MAGI3: variants seen among roughly 807,000 people sequenced by gnomAD.
MAGI3 encodes the protein membrane associated guanylate kinase, WW and PDZ domain containing 3.
In MAGI3, 43 loss-of-function variants were observed where a neutral mutation model predicts 121.8. The observed-to-expected ratio is 0.35, with a 90% CI of 0.28 to 0.46. The LOEUF (loss-of-function observed/expected upper bound fraction) is 0.46, where lower values mean the gene tolerates loss of function less well. Ranked by LOEUF, MAGI3 falls within the 20% of genes least tolerant of loss-of-function variation. MAGI3 has a pLI of 1.00. For missense variants in MAGI3, 1,547 were observed against 1,797.3 expected (o/e 0.86, Z 2.52); for synonymous variants, 553 against 639.3 (o/e 0.86, Z 2.04).
At position 113,391,125 on chromosome 1, in the gene MAGI3, C is replaced by G. The variant is rs771560753; in HGVS notation, c.92C>G (p.Ala31Gly). The G allele has an allele frequency of 6.4e-7, 1 of 1,571,896 alleles. No homozygotes were observed. Among genetic ancestry groups the G allele is most frequent in the Non-Finnish European group, 8.6e-7 (1 of 1,159,092 alleles). Reference protein sequence around the residue: ...SWAGPPGDFGAEIRGGAERGE... With the variant: ...SWAGPPGDFGGEIRGGAERGE... ...GCCGGGCCCCCGGGCGACTTCGGCG[C>G]GGAGATCCGCGGTGGCGCGGAGCGT... is the stretch of plus-strand genomic sequence containing the variant. Residue 31 changes from alanine (A) to glycine (G), a missense_variant, in exon 1 of 21, where the codon GCG becomes GGG. Transcript: ENST00000307546. This position sits in a 1 kb window ranked among gnomAD's most constrained non-coding sequence, Gnocchi z 4.4.
intron 11 of MAGI3, 64 bp downstream of exon 11, chr1:113,643,838 C>G: frequency 6.8e-7 from 1 of 1,462,304 alleles, no homozygotes; most frequent in South Asian, 1.2e-5. Flanking sequence ...ACATTCCCCT[C>G]TGTAAGAGGA....
intron 1 of MAGI3, among the ~76,000 whole-genome samples, chr1:113,479,327 C>T (rs1280337585): frequency 2.6e-5 from 4 of 152,258 alleles, no homozygotes; most frequent in Admixed American, 6.5e-5. Flanking sequence ...CCGTCTTCTG[C>T]GTTGATCACG....
chr1:113,434,191 C>T (rs1653444005), intron 1 of MAGI3, among the ~76,000 whole-genome samples: 1 of 152,170 alleles, frequency 6.6e-6, no homozygotes, highest in African/African-American at 2.4e-5. Flanking sequence ...GAACCACTTG[C>T]TGAATCTAGT....
At chr1:113,613,075 C>T (rs1274593835) in intron 6 of MAGI3, among the ~76,000 whole-genome samples, 3 of 152,058 alleles carry the variant, frequency 2.0e-5, no homozygotes, top group African/African-American at 7.2e-5. Context: ...TGCAGTTTTA[C>T]AGATATATTC....
chr1:113,508,349 C>T (rs537408919), intron 1 of MAGI3, among the ~76,000 whole-genome samples: 115 of 152,136 alleles, frequency 7.6e-4, no homozygotes, highest in African/African-American at 2.4e-3. Flanking sequence ...TTCAAGTTTC[C>T]GTACAGAGAT....
intron 1 of MAGI3, among the ~76,000 whole-genome samples, chr1:113,534,803 T>G (rs1376912871): frequency 6.6e-6 from 1 of 151,400 alleles, no homozygotes; most frequent in African/African-American, 2.4e-5. Flanking sequence ...TATCATGTGA[T>G]TTTTTTTTCT....
intron 9 of MAGI3, among the ~76,000 whole-genome samples, chr1:113,640,256 A>G (rs1652371117): frequency 6.6e-6 from 1 of 151,284 alleles, no homozygotes; most frequent in African/African-American, 2.4e-5. Flanking sequence ...CTGTGGAGAA[A>G]CAGGAACGCT....
intron 19 of MAGI3, among the ~76,000 whole-genome samples, chr1:113,678,454 G>A (rs1489884451): frequency 6.6e-6 from 1 of 152,068 alleles, no homozygotes; most frequent in African/African-American, 2.4e-5. Flanking sequence ...TTTTATTAAG[G>A]TGTTTTCATC....
chr1:113,608,338 T>C (rs1292587320), intron 6 of MAGI3, among the ~76,000 whole-genome samples: 1 of 152,218 alleles, frequency 6.6e-6, no homozygotes, highest in Non-Finnish European at 1.5e-5. Flanking sequence ...TTTCAATCTC[T>C]ATAAGGCTCT....
At chr1:113,462,701 A>G (rs1220071678) in intron 1 of MAGI3, among the ~76,000 whole-genome samples, 1 of 152,152 alleles carries the variant, frequency 6.6e-6, no homozygotes, top group Non-Finnish European at 1.5e-5. Flanking sequence ...CCCCAAACCT[A>G]AAATAAAAGG....
Position 113,642,201 on chromosome 1 carries a change from G to A in MAGI3, c.1651G>A (p.Asp551Asn). Residue 551 changes from aspartate to asparagine, a missense_variant, in exon 10 of 21, where the codon GAT becomes AAT. Transcript: ENST00000307546. Reference protein sequence around the residue: ...NGKSGHTLTGDGLNGPSDASE... With the variant: ...NGKSGHTLTGNGLNGPSDASE... The stretch of plus-strand genomic sequence containing the variant: ...AAAATCGGGACACACTTTGACTGGT[G>A]ATGGTCTCAATGGACCATCAGATGC... 1 of 1,614,182 alleles carries A rather than the reference G, an allele frequency of 6.2e-7. No homozygotes were observed. The highest frequency in any genetic ancestry group is 8.5e-7 in the Non-Finnish European group (1 of 1,180,042).
chr1:113,621,339 C>G (rs1192321193), intron 8 of MAGI3, among the ~76,000 whole-genome samples: 3 of 151,980 alleles, frequency 2.0e-5, no homozygotes, highest in African/African-American at 4.8e-5. Flanking sequence ...GCTGGAATGT[C>G]AAGGAAGTTG....
chr1:113,468,894 C>A (rs1195213856), intron 1 of MAGI3, among the ~76,000 whole-genome samples: 3 of 151,874 alleles, frequency 2.0e-5, no homozygotes, highest in Non-Finnish European at 2.9e-5. Context: ...GGGAAGGACC[C>A]TTTTCATTTT....
intron 1 of MAGI3, among the ~76,000 whole-genome samples, chr1:113,444,115 C>T (rs939838847): frequency 2.0e-5 from 3 of 152,240 alleles, no homozygotes; most frequent in South Asian, 2.1e-4. Context: ...TACAGCTCTT[C>T]GCATGGTAGC....
intron 6 of MAGI3, among the ~76,000 whole-genome samples, chr1:113,603,222 C>T (rs938735999): frequency 4.6e-5 from 7 of 152,040 alleles, no homozygotes; most frequent in Non-Finnish European, 1.5e-5. Context: ...AAACTGTGCA[C>T]ACAAAGTAGA....
rs145252615 is a variant in MAGI3 at position 113,653,184 on chromosome 1, T to C, written c.2441-646T>C. 4.3e-4 allele frequency among the ~76,000 whole-genome samples: 66 copies of C among 152,356 alleles called. No homozygotes were observed. The East Asian group carries it at 0.013, about 29-fold the overall frequency. ...GAATATCAGTCACTGAGCTAAATTA[T>C]ATTTATAATTGATTTTAAAAGGAAG... On this transcript the variant is annotated intron_variant, in intron 14 of 20. Coordinates refer to ENST00000307546, the MANE Select transcript of MAGI3 (RefSeq NM_001142782.2).
chr1:113,448,370 A>C (rs560516118), intron 1 of MAGI3, among the ~76,000 whole-genome samples: 1 of 152,350 alleles, frequency 6.6e-6, no homozygotes, highest in African/African-American at 2.4e-5. Flanking sequence ...CACTGAGGCT[A>C]CTGTTTGGGA....
intron 11 of MAGI3, 105 bp downstream of exon 11, chr1:113,643,879 G>A: frequency 1.7e-6 from 2 of 1,187,154 alleles, no homozygotes; most frequent in Non-Finnish European, 2.5e-6. Flanking sequence ...TCGACTGGGA[G>A]AAGTTAGGAG....
chr1:113,426,854 T>C (rs1653032592), intron 1 of MAGI3, among the ~76,000 whole-genome samples: 1 of 152,168 alleles, frequency 6.6e-6, no homozygotes, highest in African/African-American at 2.4e-5. Context: ...TTTAGTCTTT[T>C]AATGAGTATG....
Sources: gnomAD v4.1 joint callset for allele counts (sites outside exome capture counted in the v4.1 genomes callset) on GRCh38, gnomAD v4.1.1 for gene constraint, Gnocchi (gnomAD v3.1) non-coding constraint, MANE v1.5 for transcripts, NCBI Gene and HGNC (gene_info 2026-07-23, HGNC 2026-07-21) for gene names.